The following RABGAP1L variants were observed in gnomAD, a reference collection of about 807,000 sequenced individuals.
RABGAP1L encodes rab GTPase-activating protein 1-like.
RABGAP1L carries 63 observed loss-of-function variants against 137.7 expected under a neutral mutation model. That is an observed-to-expected ratio of 0.46 (90% CI 0.37 to 0.56). The LOEUF (loss-of-function observed/expected upper bound fraction) is 0.56. RABGAP1L is among the 20% of genes least tolerant of loss of function. The probability of loss-of-function intolerance (pLI) is 0.00; values close to 1 mark genes in which losing one functional copy is unlikely to be tolerated. For missense variants in RABGAP1L, 1,095 were observed against 1,244.0 expected, an observed-to-expected ratio of 0.88 and a Z score of 1.80; for synonymous variants, 431 against 433.7, an observed-to-expected ratio of 0.99 and a Z score of 0.08.
intron 7 of RABGAP1L, among the ~76,000 whole-genome samples, chr1:174,260,265 T>C (rs898877110): frequency 8.5e-5 from 13 of 152,216 alleles, no homozygotes; most frequent in African/African-American, 2.7e-4. Flanking sequence ...TCTTAAAGGC[T>C]AAACCCAATT....
chr1:174,258,555 G>T (rs1673312613), intron 7 of RABGAP1L, among the ~76,000 whole-genome samples: 2 of 152,054 alleles, frequency 1.3e-5, no homozygotes, highest in Non-Finnish European at 2.9e-5. Flanking sequence ...TAAAGTGCTT[G>T]GCTTCCCAAA....
intron 19 of RABGAP1L, among the ~76,000 whole-genome samples, chr1:174,882,116 C>T (rs1654336714): frequency 6.6e-6 from 1 of 152,178 alleles, no homozygotes; most frequent in Non-Finnish European, 1.5e-5. Flanking sequence ...CCACCTCGGC[C>T]TCCCAGAGTG....
intron 12 of RABGAP1L, among the ~76,000 whole-genome samples, chr1:174,373,805 C>A (rs1685297854): frequency 6.6e-6 from 1 of 152,116 alleles, no homozygotes; most frequent in African/African-American, 2.4e-5. Flanking sequence ...AGCCAGTGGG[C>A]AAGGGAGTTT....
intron 19 of RABGAP1L, among the ~76,000 whole-genome samples, chr1:174,814,155 G>A (rs183398625): frequency 1.1e-3 from 169 of 152,252 alleles, no homozygotes; most frequent in Non-Finnish European, 7.5e-4. Flanking sequence ...TAAAATGTTA[G>A]AAAACAAGTT....
intron 13 of RABGAP1L, among the ~76,000 whole-genome samples, chr1:174,412,800 C>T (rs1488108665): frequency 6.6e-6 from 1 of 152,112 alleles, no homozygotes; most frequent in African/African-American, 2.4e-5. Flanking sequence ...CCAGTCTCTC[C>T]TGGCTTGTAA....
intron 13 of RABGAP1L, among the ~76,000 whole-genome samples, chr1:174,421,935 A>G (rs1571726159): frequency 6.6e-6 from 1 of 151,958 alleles, no homozygotes; most frequent in Non-Finnish European, 1.5e-5. Context: ...TGCCTGGCTA[A>G]TTTTTGTATT....
At chr1:174,924,297 G>C (rs1376393827) in intron 19 of RABGAP1L, among the ~76,000 whole-genome samples, 1 of 142,664 alleles carries the variant, frequency 7.0e-6, no homozygotes, top group African/African-American at 2.6e-5. Context: ...TGAGGCAGGA[G>C]AATCTCTTGA....
At chr1:174,852,065 C>A (rs1648460376) in intron 19 of RABGAP1L, among the ~76,000 whole-genome samples, 1 of 152,170 alleles carries the variant, frequency 6.6e-6, no homozygotes, top group Non-Finnish European at 1.5e-5. Context: ...TACACTAGAA[C>A]TTACCTTTCA....
chr1:174,177,265 C>T (rs562271597), intron 1 of RABGAP1L, among the ~76,000 whole-genome samples: 68 of 152,152 alleles, frequency 4.5e-4, no homozygotes, highest in Middle Eastern at 3.4e-3. Context: ...GTTTGTTGGC[C>T]GCATAAATGT....
rs1557948737 is a variant in RABGAP1L, at chr1:174,649,782, CG to C, written c.1824+12296del. On this transcript the variant is annotated intron_variant, in intron 14 of 25. Coordinates refer to ENST00000681986, the MANE Select transcript of RABGAP1L (RefSeq NM_001366446.1). ...GATATGCAATGATGTCATCTGCAAA[CG>C]GACAATTTGACTTCCTCTTTTCCTA... Among the ~76,000 whole-genome samples, 5 of 152,130 alleles carry C rather than the reference CG, an allele frequency of 3.3e-5. No individual in the cohort carries two copies. In the South Asian group the frequency reaches 8.3e-4, roughly 25 times the overall value.
chr1:174,204,919 C>T (rs1041996259), intron 1 of RABGAP1L, among the ~76,000 whole-genome samples: 1 of 152,174 alleles, frequency 6.6e-6, no homozygotes, highest in African/African-American at 2.4e-5. Context: ...TGAGGCCTAC[C>T]AGCCATGCTT....
chr1:174,426,489 A>G (rs962118766), intron 13 of RABGAP1L, among the ~76,000 whole-genome samples: 3 of 150,868 alleles, frequency 2.0e-5, no homozygotes, highest in Admixed American at 1.3e-4. Context: ...TCTTTGCCCT[A>G]TGAAAACTGA....
intron 13 of RABGAP1L, among the ~76,000 whole-genome samples, chr1:174,512,863 A>G (rs1025392777): frequency 2.0e-5 from 3 of 152,222 alleles, no homozygotes; most frequent in African/African-American, 7.2e-5. Flanking sequence ...TTATTTACAC[A>G]TGTACACATA....
chr1:174,688,984 G>A (rs1022115997), intron 15 of RABGAP1L, among the ~76,000 whole-genome samples: 1 of 151,990 alleles, frequency 6.6e-6, no homozygotes, highest in Non-Finnish European at 1.5e-5. Context: ...ATTTCTCTAG[G>A]GAGAAACTGG....
At chr1:174,968,841 T>G (rs1194725655) in intron 20 of RABGAP1L, among the ~76,000 whole-genome samples, 1 of 152,208 alleles carries the variant, frequency 6.6e-6, no homozygotes, top group African/African-American at 2.4e-5. Context: ...GAAAAACAAT[T>G]TGAAGAAATG....
intron 24 of RABGAP1L, 48 bp downstream of exon 24, chr1:174,982,953 A>G (rs1263616267): frequency 1.3e-6 from 2 of 1,531,972 alleles, no homozygotes; most frequent in East Asian, 2.5e-5. Flanking sequence ...AAAGTCACAC[A>G]GGCTTGTAAG....
intron 15 of RABGAP1L, among the ~76,000 whole-genome samples, chr1:174,689,634 C>T (rs1678733102): frequency 6.6e-6 from 1 of 151,932 alleles, no homozygotes; most frequent in Non-Finnish European, 1.5e-5. Flanking sequence ...TTTTTGCTAC[C>T]TCGTTTAAAA....
At chr1:174,788,731 G>A (rs74968433) in intron 18 of RABGAP1L, among the ~76,000 whole-genome samples, 3,387 of 152,120 alleles carry the variant, frequency 0.022, 56 homozygotes, top group Middle Eastern at 0.085. Context: ...GGACACATTG[G>A]GATGAAGTCT....
chr1:174,185,335 G>A lies in RABGAP1L; in HGVS notation c.-34+25678G>A, dbSNP rs1327798898. On this transcript the variant is annotated intron_variant, in intron 1 of 25. Coordinates refer to ENST00000681986, the MANE Select transcript of RABGAP1L (RefSeq NM_001366446.1). ...ACTGAGGTGGAGAAAAGTGTAGGCA[G>A]CTTGCTTTGAGAATTTTAGAGCTAA... 2.6e-5 allele frequency among the ~76,000 whole-genome samples: 4 copies of A among 152,182 alleles called. No homozygotes were observed. In the South Asian group the frequency reaches 6.2e-4, roughly 24 times the overall value.
Sources: gnomAD v4.1 joint callset for allele counts (sites outside exome capture counted in the v4.1 genomes callset) on GRCh38, gnomAD v4.1.1 for gene constraint, MANE v1.5 for transcripts, NCBI Gene and HGNC (gene_info 2026-07-23, HGNC 2026-07-21) for gene names.